The following FARP2 variants were observed in gnomAD, a reference collection of about 807,000 sequenced individuals.
FARP2 encodes the protein FERM, ARH/RhoGEF and pleckstrin domain protein 2, also known as FERM, ARHGEF and pleckstrin domain-containing protein 2.
A neutral mutation model predicts 130.5 loss-of-function variants in FARP2; 111 were observed. That is an observed-to-expected ratio of 0.85 (90% CI 0.73 to 1.00). The LOEUF is 1.00. Among genes scored for constraint, FARP2 ranks in the 50% least tolerant of loss-of-function variants. The pLI, the probability that FARP2 is intolerant of heterozygous loss-of-function variation, is 0.00. For missense variants in FARP2, 1,385 were observed against 1,346.3 expected, an observed-to-expected ratio of 1.03 and a Z score of -0.45; for synonymous variants, 504 against 516.9, an observed-to-expected ratio of 0.98 and a Z score of 0.34.
At chr2:241,490,156 G>C (rs1223507121) in intron 22 of FARP2, 112 bp downstream of exon 22, 4 of 754,838 alleles carry the variant, frequency 5.3e-6, no homozygotes, top group Non-Finnish European at 9.3e-6. Flanking sequence ...AGCCTCATGG[G>C]GTTGTGCCCC....
chr2:241,366,687 T>C (rs987338260), intron 1 of FARP2, among the ~76,000 whole-genome samples: 3 of 152,108 alleles, frequency 2.0e-5, no homozygotes, highest in African/African-American at 7.3e-5. Flanking sequence ...CCAAACACTA[T>C]AAATTAGTAG....
At chr2:241,418,426 C>T (rs1009144748) in intron 8 of FARP2, among the ~76,000 whole-genome samples, 1 of 152,182 alleles carries the variant, frequency 6.6e-6, no homozygotes, top group Non-Finnish European at 1.5e-5. Flanking sequence ...ACTTCGCATT[C>T]CCTCCTGGGA....
intron 2 of FARP2, among the ~76,000 whole-genome samples, chr2:241,375,054 C>T (rs2061503951): frequency 6.6e-6 from 1 of 152,220 alleles, no homozygotes; most frequent in Admixed American, 6.5e-5. Context: ...TCACACCATT[C>T]TCCTGCCTCA....
chr2:241,395,915 A>C (rs967062247), intron 2 of FARP2: 1 of 152,184 alleles, frequency 6.6e-6, no homozygotes, highest in African/African-American at 2.4e-5. Flanking sequence ...TGGTGATCTA[A>C]TTATTGATCA....
chr2:241,494,217 G>A lies in FARP2; in HGVS notation c.*92G>A. 2.7e-6 allele frequency: 2 copies of A among 739,490 alleles called. No individual in the cohort carries two copies. Among genetic ancestry groups the A allele is most frequent in the Non-Finnish European group, 4.1e-6 (2 of 486,368 alleles). 45.8% of individuals were successfully genotyped at this position (739,490 alleles called of 1,614,324 possible). On this transcript the variant is annotated 3_prime_UTR_variant, in exon 27 of 27. Transcript: ENST00000264042. The surrounding 1 kb of genome is among the most constrained non-coding windows in gnomAD (Gnocchi z 4.9). ...TGAGGCTTCTCAACAGATGGGAAGT[G>A]GCTGTGGTCTCACTGGATCCCCACT...
At chr2:241,404,912 T>C (rs1438831367) in intron 4 of FARP2, 71 bp downstream of exon 4, 3 of 1,112,578 alleles carry the variant, frequency 2.7e-6, no homozygotes, top group East Asian at 2.4e-5. Flanking sequence ...TTAAAAGGCA[T>C]GTTCAACTGT....
At chr2:241,411,184 C>G (rs2062508854) in intron 6 of FARP2, 54 bp downstream of exon 6, 3 of 1,230,966 alleles carry the variant, frequency 2.4e-6, no homozygotes, top group African/African-American at 3.0e-5. Context: ...ACAGATATAC[C>G]CGCACTCAGA....
At chr2:241,394,067 T>G (rs1453900088) in intron 2 of FARP2, among the ~76,000 whole-genome samples, 1 of 152,216 alleles carries the variant, frequency 6.6e-6, no homozygotes, top group East Asian at 1.9e-4. Flanking sequence ...TAACTGGCTG[T>G]GAGGCCCTTC....
intron 2 of FARP2, among the ~76,000 whole-genome samples, chr2:241,384,193 G>T (rs899590843): frequency 6.6e-6 from 1 of 152,060 alleles, no homozygotes; most frequent in African/African-American, 2.4e-5. Context: ...TATTCTTAGA[G>T]AAATTTAGAC....
intron 4 of FARP2, among the ~76,000 whole-genome samples, chr2:241,406,939 C>T (rs996308285): frequency 6.6e-6 from 1 of 152,090 alleles, no homozygotes; most frequent in African/African-American, 2.4e-5. Context: ...TCTGGAGTAG[C>T]TGGGACTACA....
intron 19 of FARP2, among the ~76,000 whole-genome samples, chr2:241,479,545 C>T (rs189344984): frequency 3.3e-4 from 50 of 152,318 alleles, no homozygotes; most frequent in Admixed American, 1.3e-3. Flanking sequence ...GGCCTCTTTC[C>T]GACACAGGCT....
intron 1 of FARP2, among the ~76,000 whole-genome samples, chr2:241,370,330 G>A (rs2061397991): frequency 6.6e-6 from 1 of 152,128 alleles, no homozygotes; most frequent in African/African-American, 2.4e-5. Context: ...ATAGCATGGT[G>A]ACTCTAGTTA....
At chr2:241,465,644 G>C in intron 17 of FARP2, 1 of 1,550,758 alleles carries the variant, frequency 6.4e-7, no homozygotes. Flanking sequence ...CTTGCTTAAC[G>C]TGCCTGGAAC....
In FARP2 at chr2:241,491,541, G is replaced by A. The variant is rs1296195560; in HGVS notation, c.2649G>A (p.Glu883=). The A allele has an allele frequency of 1.2e-6, 2 of 1,613,634 alleles. No homozygotes were observed. The highest frequency in any genetic ancestry group is 4.5e-5 in the East Asian group (2 of 44,888). ...GATCCCCCAACGAGGTATCTCTGGA[G>A]CAGGAGTCAGAAGATGATGCTCGGG... The part of the protein sequence containing the change: ...PPRSPNEVSL[E]QESEDDARGV... Residue 883 remains glutamate (E), a synonymous_variant, in exon 24 of 27, where the codon GAG becomes GAA. Coordinates refer to ENST00000264042, the MANE Select transcript of FARP2 (RefSeq NM_014808.4).
intron 8 of FARP2, among the ~76,000 whole-genome samples, chr2:241,431,094 A>G (rs1172041582): frequency 6.6e-6 from 1 of 152,162 alleles, no homozygotes; most frequent in Non-Finnish European, 1.5e-5. Flanking sequence ...TACAAGTCCC[A>G]GTGTATCTTC....
At chr2:241,370,836 T>C (rs1559706272) in intron 1 of FARP2, among the ~76,000 whole-genome samples, 16 of 152,160 alleles carry the variant, frequency 1.1e-4, no homozygotes, top group Admixed American at 1.0e-3. Context: ...ACTTAGCAAA[T>C]GTTTACAGTA....
chr2:241,482,870 ATTC>A lies in FARP2; in HGVS notation c.2263-592_2263-590del, dbSNP rs1239486765. 6.6e-6 allele frequency among the ~76,000 whole-genome samples: 1 copy of A among 152,104 alleles called. No individual in the cohort carries two copies. Among genetic ancestry groups the A allele is most frequent in the African/African-American group, 2.4e-5 (1 of 41,422 alleles). On this transcript the variant is annotated intron_variant, in intron 19 of 26. Coordinates refer to ENST00000264042, the MANE Select transcript of FARP2 (RefSeq NM_014808.4). This position sits in a 1 kb window ranked among gnomAD's most constrained non-coding sequence, Gnocchi z 4.6. ...TGCGCAGGTGTCTGATACTGGCAGG[ATTC>A]TTTTTTCTTATCTAACGCCCTGTGG... is the stretch of plus-strand genomic sequence containing the variant.
intron 17 of FARP2, chr2:241,466,597 A>G (rs987489398): frequency 3.8e-5 from 37 of 984,900 alleles, no homozygotes; most frequent in African/African-American, 7.0e-5. Flanking sequence ...ATGCATAGAC[A>G]TCTGAGCCCA....
intron 1 of FARP2, among the ~76,000 whole-genome samples, chr2:241,366,372 A>G (rs1042458999): frequency 6.6e-6 from 1 of 151,724 alleles, no homozygotes; most frequent in Non-Finnish European, 1.5e-5. Flanking sequence ...AGTTTGTAGA[A>G]TTTTGTTTAA....
Sources: gnomAD v4.1 joint callset for allele counts (sites outside exome capture counted in the v4.1 genomes callset) on GRCh38, gnomAD v4.1.1 for gene constraint, Gnocchi (gnomAD v3.1) non-coding constraint, MANE v1.5 for transcripts, NCBI Gene and HGNC (gene_info 2026-07-23, HGNC 2026-07-21) for gene names.